Variants in KIF5C observed in about 807,000 individuals in gnomAD.
KIF5C encodes kinesin family member 5C.
In KIF5C, 18 loss-of-function variants were observed where a neutral mutation model predicts 125.2. The observed-to-expected ratio is 0.14, with a 90% CI of 0.10 to 0.21. The LOEUF (loss-of-function observed/expected upper bound fraction) is 0.21, where lower values mean the gene tolerates loss of function less well. KIF5C is among the 10% of genes least tolerant of loss of function. KIF5C has a pLI of 1.00. For synonymous variants in KIF5C, 405 were observed against 434.0 expected, an observed-to-expected ratio of 0.93 and a Z score of 0.83; for missense variants, 780 against 1,183.8, an observed-to-expected ratio of 0.66 and a Z score of 5.01.
intron 21 of KIF5C, 72 bp downstream of exon 21, chr2:149,000,854 C>G: frequency 6.3e-7 from 1 of 1,597,360 alleles, no homozygotes. Flanking sequence ...CGGATTATTT[C>G]AAAATTTTAT....
Position 148,928,707 on chromosome 2 carries a change from C to T in KIF5C, c.218-574C>T, listed in dbSNP as rs191395731. 1.1e-4 allele frequency among the ~76,000 whole-genome samples: 16 copies of T among 152,160 alleles called. No homozygotes were observed. In the East Asian group the frequency reaches 1.9e-3, roughly 18 times the overall value. On this transcript the variant is annotated intron_variant, in intron 2 of 25. Transcript: ENST00000435030. Reference sequence around the variant, plus strand: ...GAGACATTAAATTTAAGTGAGGGCCCGGCTAGTTTCTGGGCTGATTGGATT... The same window carrying T: ...GAGACATTAAATTTAAGTGAGGGCCTGGCTAGTTTCTGGGCTGATTGGATT...
intron 3 of KIF5C, among the ~76,000 whole-genome samples, chr2:148,936,360 G>T (rs758206461): frequency 2.6e-5 from 4 of 152,220 alleles, no homozygotes; most frequent in African/African-American, 7.2e-5. Flanking sequence ...TAAACCTGCA[G>T]ACTGTGTGTT....
At chr2:149,002,526 TCA>T (rs1457042232) in intron 21 of KIF5C, among the ~76,000 whole-genome samples, 5 of 152,170 alleles carry the variant, frequency 3.3e-5, no homozygotes, top group African/African-American at 4.8e-5. Context: ...ACACTTGCAT[TCA>T]CACACACAAC....
intron 21 of KIF5C, among the ~76,000 whole-genome samples, chr2:149,003,159 G>T (rs1380760755): frequency 6.6e-6 from 1 of 152,156 alleles, no homozygotes; most frequent in Admixed American, 6.5e-5. Flanking sequence ...TTTTAGACTC[G>T]GATGTTTTCA....
At chr2:149,006,841 G>A (rs2105195138) in intron 22 of KIF5C, among the ~76,000 whole-genome samples, 1 of 152,286 alleles carries the variant, frequency 6.6e-6, no homozygotes, top group Admixed American at 6.5e-5. Flanking sequence ...AGGGCACCTG[G>A]CCAGAGGTTA....
In KIF5C at chr2:149,004,006, T is replaced by TG. The variant is rs780412132; in HGVS notation, c.2374-1384dup. On this transcript the variant is annotated intron_variant, in intron 21 of 25. Coordinates refer to ENST00000435030, the MANE Select transcript of KIF5C (RefSeq NM_004522.3). ...GGGCTGAGCTCCCTCCGGCAGGGCC[T>TG]GGGACAGTGTGTCTGTAACAGAGTG... Among the ~76,000 whole-genome samples the TG allele has an allele frequency of 7.2e-5, 11 of 152,350 alleles. No homozygotes were observed. In the East Asian group the frequency reaches 1.9e-3, roughly 27 times the overall value.
intron 3 of KIF5C, among the ~76,000 whole-genome samples, chr2:148,936,863 A>G (rs548730487): frequency 1.3e-5 from 2 of 152,350 alleles, no homozygotes; most frequent in South Asian, 2.1e-4. Context: ...AGGTGATTTC[A>G]TTAAACAAGA....
At chr2:148,942,896 A>T in intron 7 of KIF5C, 136 bp downstream of exon 7, 1 of 1,455,744 alleles carries the variant, frequency 6.9e-7, no homozygotes, top group Non-Finnish European at 9.3e-7. Context: ...TCGGACACAG[A>T]CGCCAGGGTA....
chr2:148,934,891 T>TAC (rs143299058), intron 3 of KIF5C, among the ~76,000 whole-genome samples: 108 of 148,234 alleles, frequency 7.3e-4, no homozygotes, highest in Middle Eastern at 3.7e-3. Flanking sequence ...CCCCTAACAC[T>TAC]ACACACACAC....
At chr2:148,950,751 G>A (rs1390895125) in intron 10 of KIF5C, among the ~76,000 whole-genome samples, 1 of 151,752 alleles carries the variant, frequency 6.6e-6, no homozygotes, top group Non-Finnish European at 1.5e-5. Flanking sequence ...GGAGGTTGCA[G>A]TGAGCCAAGA....
intron 1 of KIF5C, among the ~76,000 whole-genome samples, chr2:148,893,494 G>A (rs774808410): frequency 3.3e-5 from 5 of 152,108 alleles, no homozygotes; most frequent in African/African-American, 7.2e-5. Context: ...CAGTCTGCAC[G>A]TTCACTCGTC....
At chr2:148,984,337 C>G (rs1681318930) in intron 15 of KIF5C, among the ~76,000 whole-genome samples, 1 of 152,214 alleles carries the variant, frequency 6.6e-6, no homozygotes, top group South Asian at 2.1e-4. Flanking sequence ...GAATCAAAAT[C>G]TGCACTTTAA....
intron 1 of KIF5C, among the ~76,000 whole-genome samples, chr2:148,920,298 A>G (rs543737977): frequency 6.6e-6 from 1 of 152,358 alleles, no homozygotes; most frequent in African/African-American, 2.4e-5. Context: ...AATTGATAAC[A>G]AATACCCAGA....
chr2:148,963,855 T>A (rs757268641), intron 11 of KIF5C, among the ~76,000 whole-genome samples: 12 of 152,168 alleles, frequency 7.9e-5, no homozygotes, highest in Non-Finnish European at 1.8e-4. Flanking sequence ...CCATCCCTCA[T>A]CAAATGCCAT....
intron 16 of KIF5C, among the ~76,000 whole-genome samples, chr2:148,992,850 T>C (rs1681562641): frequency 6.6e-6 from 1 of 152,236 alleles, no homozygotes; most frequent in South Asian, 2.1e-4. Context: ...GTGTACCTCA[T>C]CTGTGATTTC....
chr2:149,022,451 A>C (rs1682560193), intron 25 of KIF5C, among the ~76,000 whole-genome samples: 1 of 152,002 alleles, frequency 6.6e-6, no homozygotes, highest in African/African-American at 2.4e-5. Context: ...TATACACCAG[A>C]TTGCAAACAC....
intron 21 of KIF5C, among the ~76,000 whole-genome samples, chr2:149,004,979 T>C (rs554600620): frequency 8.5e-5 from 13 of 152,320 alleles, no homozygotes; most frequent in African/African-American, 3.1e-4. Flanking sequence ...CGGTGAGATA[T>C]TGTGGCTAAC....
chr2:148,934,171 A>G (rs560394562), intron 3 of KIF5C, among the ~76,000 whole-genome samples: 1 of 149,252 alleles, frequency 6.7e-6, no homozygotes, highest in East Asian at 2.0e-4. Context: ...CATCACACAC[A>G]TATGCACACA....
intron 11 of KIF5C, among the ~76,000 whole-genome samples, chr2:148,970,761 T>C (rs930223238): frequency 1.1e-4 from 16 of 152,236 alleles, no homozygotes; most frequent in Non-Finnish European, 2.4e-4. Flanking sequence ...TATAGAAGTC[T>C]ATCCCCGGCC....
Sources: gnomAD v4.1 joint callset for allele counts (sites outside exome capture counted in the v4.1 genomes callset) on GRCh38, gnomAD v4.1.1 for gene constraint, MANE v1.5 for transcripts, NCBI Gene and HGNC (gene_info 2026-07-23, HGNC 2026-07-21) for gene names.